SAMTOR: variants seen among roughly 807,000 people sequenced by gnomAD.
The protein encoded by SAMTOR is S-adenosylmethionine sensor upstream of mTORC1.
At chr7:112,894,630 G>A in the SAMTOR span, among the ~76,000 whole-genome samples, 1 of 152,144 alleles carries the variant, frequency 6.6e-6, no homozygotes, top group Non-Finnish European at 1.5e-5. Flanking sequence ...AGCTAAAGGG[G>A]AAACTCCTTA....
At chr7:112,862,402 G>A in the SAMTOR span, among the ~76,000 whole-genome samples, 1 of 152,102 alleles carries the variant, frequency 6.6e-6, no homozygotes, top group Admixed American at 6.5e-5. Flanking sequence ...CATGAGATTG[G>A]CACTATTGGG....
the SAMTOR span, among the ~76,000 whole-genome samples, chr7:112,938,914 G>T: frequency 6.6e-6 from 1 of 152,178 alleles, no homozygotes; most frequent in Non-Finnish European, 1.5e-5. Context: ...AATACAAACG[G>T]TATTTTCAGA....
the SAMTOR span, among the ~76,000 whole-genome samples, chr7:112,857,998 T>C: frequency 1.2e-4 from 18 of 152,078 alleles, no homozygotes; most frequent in Non-Finnish European, 2.1e-4. Context: ...GAGGAAGCAA[T>C]GCTATGAGTA....
the SAMTOR span, among the ~76,000 whole-genome samples, chr7:112,902,450 A>AAAAAAAAAAAC: frequency 7.1e-5 from 9 of 125,930 alleles, no homozygotes; most frequent in African/African-American, 2.9e-4. Context: ...AAAAAAAAAC[A>AAAAAAAAAAAC]AAAAAAAAAA....
chr7:112,909,614 TTTCAG>T, the SAMTOR span, among the ~76,000 whole-genome samples: 1 of 151,916 alleles, frequency 6.6e-6, no homozygotes, highest in Admixed American at 6.6e-5. Flanking sequence ...AAATCTTACA[TTTCAG>T]TTATTTTATT....
At chr7:112,885,370 T>C in the SAMTOR span, among the ~76,000 whole-genome samples, 1 of 152,226 alleles carries the variant, frequency 6.6e-6, no homozygotes, top group Non-Finnish European at 1.5e-5. Flanking sequence ...GGTTTTTCTT[T>C]TCTATCATAT....
At chr7:112,896,867 A>T in the SAMTOR span, among the ~76,000 whole-genome samples, 2 of 152,224 alleles carry the variant, frequency 1.3e-5, no homozygotes, top group Non-Finnish European at 2.9e-5. Flanking sequence ...AAAGTAAAGT[A>T]GAGTGGAAAC....
chr7:112,936,704 C>T, the SAMTOR span, among the ~76,000 whole-genome samples: 1 of 152,180 alleles, frequency 6.6e-6, no homozygotes, highest in African/African-American at 2.4e-5. Flanking sequence ...TCTATCCTGT[C>T]CTTAATATTC....
chr7:112,928,453 A>T, the SAMTOR span, among the ~76,000 whole-genome samples: 1 of 151,966 alleles, frequency 6.6e-6, no homozygotes, highest in Non-Finnish European at 1.5e-5. Flanking sequence ...CATACTGTCT[A>T]TTAAAACCAG....
chr7:112,856,073 G>A, the SAMTOR span, among the ~76,000 whole-genome samples: 1 of 152,006 alleles, frequency 6.6e-6, no homozygotes, highest in Admixed American at 6.6e-5. Context: ...ACTTTATGTT[G>A]TTTCTTTGAA....
the SAMTOR span, among the ~76,000 whole-genome samples, chr7:112,934,199 T>A: frequency 6.6e-6 from 1 of 152,146 alleles, no homozygotes; most frequent in African/African-American, 2.4e-5. Context: ...GGTTCCACTT[T>A]TCTTCTTCCA....
the SAMTOR span, among the ~76,000 whole-genome samples, chr7:112,904,085 A>C: frequency 2.2e-3 from 341 of 152,356 alleles, 7 homozygotes; most frequent in Admixed American, 0.018. Context: ...TACAAAGAAG[A>C]AATTCCATGA....
the SAMTOR span, among the ~76,000 whole-genome samples, chr7:112,920,613 G>T: frequency 6.8e-6 from 1 of 147,620 alleles, no homozygotes; most frequent in Non-Finnish European, 1.5e-5. Flanking sequence ...AATTAGGCAG[G>T]AGAAGGAAAT....
At chr7:112,885,380 T>C in the SAMTOR span, among the ~76,000 whole-genome samples, 1 of 152,230 alleles carries the variant, frequency 6.6e-6, no homozygotes, top group Non-Finnish European at 1.5e-5. Flanking sequence ...TTCTATCATA[T>C]CATCAGGCTG....
At chr7:112,847,923 G>A in the SAMTOR span, among the ~76,000 whole-genome samples, 2 of 152,156 alleles carry the variant, frequency 1.3e-5, no homozygotes, top group East Asian at 3.9e-4. Context: ...AGGACTGCTT[G>A]AGACCAGAAG....
chr7:112,939,756 AGCC>A, the SAMTOR span: 1,170 of 1,581,422 alleles, frequency 7.4e-4, 1 homozygote, highest in Admixed American at 2.0e-3. Context: ...TCCATATCGC[AGCC>A]GCCGCCGCCG....
chr7:112,861,596 G>A, the SAMTOR span, among the ~76,000 whole-genome samples: 1 of 152,120 alleles, frequency 6.6e-6, no homozygotes, highest in East Asian at 1.9e-4. Flanking sequence ...AAAACAGTTG[G>A]TCCCTTGACT....
the SAMTOR span, among the ~76,000 whole-genome samples, chr7:112,871,837 A>G: frequency 6.6e-6 from 1 of 152,210 alleles, no homozygotes; most frequent in South Asian, 2.1e-4. Context: ...AATCCCAAAG[A>G]AATACAAGAG....
the SAMTOR span, among the ~76,000 whole-genome samples, chr7:112,823,767 A>AG: frequency 3.9e-5 from 6 of 152,186 alleles, no homozygotes; most frequent in Non-Finnish European, 5.9e-5. Context: ...GTGGTTATGT[A>AG]GTTTCATGTT....
Sources: gnomAD v4.1 joint callset for allele counts (sites outside exome capture counted in the v4.1 genomes callset) on GRCh38, gnomAD v4.1.1 for gene constraint, MANE v1.5 for transcripts, NCBI Gene and HGNC (gene_info 2026-07-23, HGNC 2026-07-21) for gene names.